Variants in RAB27B observed in about 807,000 individuals in gnomAD.
The protein encoded by RAB27B is RAB27B, member RAS oncogene family.
RAB27B carries 15 observed loss-of-function variants against 24.6 expected under a neutral mutation model. The ratio of observed to expected loss-of-function variants is 0.61; its 90% confidence interval spans 0.41 to 0.94. RAB27B has a LOEUF of 0.94. Among genes scored for constraint, RAB27B ranks in the 40% least tolerant of loss-of-function variants. RAB27B has a pLI of 0.00. For synonymous variants in RAB27B, 105 were observed against 92.5 expected (o/e 1.14, Z -0.78); for missense variants, 261 against 266.8 (o/e 0.98, Z 0.15).
At chr18:54,887,842 T>C (rs1319085642) in intron 4 of RAB27B, among the ~76,000 whole-genome samples, 153 bp from the exon 5 acceptor site, 3 of 152,136 alleles carry the variant, frequency 2.0e-5, no homozygotes, top group South Asian at 2.1e-4. Context: ...GATAAGCACA[T>C]TGTGACTGGG....
At chr18:54,851,754 A>G (rs1911598573) in intron 1 of RAB27B, among the ~76,000 whole-genome samples, 1 of 152,066 alleles carries the variant, frequency 6.6e-6, no homozygotes. Context: ...CACACTCCAA[A>G]CCAATTTCAT....
chr18:54,733,142 C>A (rs1328783792), intron 2 of RAB27B, among the ~76,000 whole-genome samples: 1 of 152,060 alleles, frequency 6.6e-6, no homozygotes, highest in African/African-American at 2.4e-5. Context: ...AACTCCTGGG[C>A]TCAAGCAATC....
rs563643611 is a variant in RAB27B at position 54,889,504 on chromosome 18, C to T, written c.*91C>T. ...CACACAATTGTTGTTGAGTAAACCA[C>T]GCACAATGGCATGTCTTTCTTTTTC... On this transcript the variant is annotated 3_prime_UTR_variant, in exon 6 of 6. Coordinates refer to ENST00000262094, the MANE Select transcript of RAB27B (RefSeq NM_004163.4). The T allele has an allele frequency of 3.4e-5, 38 of 1,123,804 alleles. No homozygotes were observed. The highest frequency in any genetic ancestry group is 4.3e-5 in the Non-Finnish European group (35 of 810,102). The allele number at this position is 1,123,804 out of a possible 1,614,324, so 69.6% of individuals were successfully genotyped here. A position where few individuals can be genotyped will look rare whatever the true frequency, so the allele number is the denominator to read the frequency against.
intron 2 of RAB27B, among the ~76,000 whole-genome samples, chr18:54,721,026 TG>T (rs1231511349): frequency 6.6e-6 from 1 of 152,146 alleles, no homozygotes; most frequent in African/African-American, 2.4e-5. Flanking sequence ...GCACAAATTA[TG>T]TATTTTGTTG....
chr18:54,767,021 T>C (rs1229146244), intron 2 of RAB27B, among the ~76,000 whole-genome samples: 1 of 152,078 alleles, frequency 6.6e-6, no homozygotes, highest in Admixed American at 6.6e-5. Flanking sequence ...TTGAGGACCA[T>C]CCAATTCACT....
intron 1 of RAB27B, among the ~76,000 whole-genome samples, chr18:54,865,550 A>G (rs943815782): frequency 6.6e-6 from 1 of 152,160 alleles, no homozygotes; most frequent in African/African-American, 2.4e-5. Flanking sequence ...TAAGCTGTAA[A>G]TTGGACAAGG....
chr18:54,753,419 C>T (rs574641617), intron 2 of RAB27B, among the ~76,000 whole-genome samples: 22 of 152,264 alleles, frequency 1.4e-4, no homozygotes, highest in Admixed American at 1.3e-3. Context: ...TCTAATTCCT[C>T]TACTTTCTAT....
chr18:54,771,481 A>G (rs896580098), intron 2 of RAB27B, among the ~76,000 whole-genome samples: 3 of 152,140 alleles, frequency 2.0e-5, no homozygotes, highest in African/African-American at 7.2e-5. Context: ...CACTGGACAC[A>G]TTCATTTTGA....
intron 4 of RAB27B, among the ~76,000 whole-genome samples, chr18:54,885,313 T>G (rs1913088243): frequency 6.6e-6 from 1 of 152,182 alleles, no homozygotes; most frequent in Non-Finnish European, 1.5e-5. Context: ...CTAGATCATG[T>G]TATTTTCCTG....
At chr18:54,842,325 G>A (rs1248801962) in intron 1 of RAB27B, among the ~76,000 whole-genome samples, 3 of 150,928 alleles carry the variant, frequency 2.0e-5, no homozygotes, top group South Asian at 2.1e-4. Context: ...GAATTTATGG[G>A]TTTTTCTTAC....
intron 2 of RAB27B, among the ~76,000 whole-genome samples, chr18:54,783,842 C>A (rs73960634): frequency 6.6e-6 from 1 of 152,182 alleles, no homozygotes; most frequent in African/African-American, 2.4e-5. Context: ...AGTTTACAGT[C>A]ACTCCTCAAG....
At chr18:54,811,682 G>A (rs115996415) in intron 2 of RAB27B, among the ~76,000 whole-genome samples, 3,942 of 152,268 alleles carry the variant, frequency 0.026, 168 homozygotes, top group African/African-American at 0.089. Flanking sequence ...ATCGATTTAC[G>A]TTGCCAGGGT....
At chr18:54,873,407 G>A (rs1023907603) in intron 1 of RAB27B, among the ~76,000 whole-genome samples, 6 of 152,140 alleles carry the variant, frequency 3.9e-5, no homozygotes, top group African/African-American at 1.4e-4. Context: ...CTGAAACACT[G>A]CAGTCTTCTG....
At chr18:54,771,322 A>G (rs1268156655) in intron 2 of RAB27B, among the ~76,000 whole-genome samples, 3 of 152,194 alleles carry the variant, frequency 2.0e-5, no homozygotes, top group African/African-American at 7.2e-5. Flanking sequence ...TGAGTTTGTA[A>G]CAGAACTTGT....
At chr18:54,780,830 A>C (rs1347790391) in intron 2 of RAB27B, among the ~76,000 whole-genome samples, 1 of 152,170 alleles carries the variant, frequency 6.6e-6, no homozygotes, top group Non-Finnish European at 1.5e-5. Context: ...TCTGCTGAAC[A>C]CTGAGGTTTG....
chr18:54,803,909 A>G (rs1158598180), intron 2 of RAB27B, among the ~76,000 whole-genome samples: 1 of 152,124 alleles, frequency 6.6e-6, no homozygotes, highest in African/African-American at 2.4e-5. Flanking sequence ...AATGATTAGG[A>G]AAGTTTGGAG....
chr18:54,894,238 G>A lies in RAB27B; in HGVS notation c.*4825G>A, dbSNP rs1361134394. The stretch of plus-strand genomic sequence containing the variant: ...AAACAAAAACTTTAGTGCCAAAATA[G>A]TGGAACTATTTTGTCATCTTTTGAG... On this transcript the variant is annotated 3_prime_UTR_variant, in exon 6 of 6. Coordinates refer to ENST00000262094, the MANE Select transcript of RAB27B (RefSeq NM_004163.4). The A allele has an allele frequency of 6.6e-6, 1 of 151,864 alleles. No homozygotes were observed. 9.4% of individuals were successfully genotyped at this position (151,864 alleles called of 1,614,324 possible).
At chr18:54,782,937 A>G (rs982454596) in intron 2 of RAB27B, among the ~76,000 whole-genome samples, 6 of 152,010 alleles carry the variant, frequency 3.9e-5, no homozygotes, top group Non-Finnish European at 8.8e-5. Flanking sequence ...TTAGGATAAC[A>G]TTGACAAGAG....
At chr18:54,867,124 G>A (rs576107067) in intron 1 of RAB27B, among the ~76,000 whole-genome samples, 58 of 152,254 alleles carry the variant, frequency 3.8e-4, no homozygotes, top group Middle Eastern at 3.4e-3. Context: ...ACTTTCTTTG[G>A]TTTAAGTTTA....
Sources: gnomAD v4.1 joint callset for allele counts (sites outside exome capture counted in the v4.1 genomes callset) on GRCh38, gnomAD v4.1.1 for gene constraint, MANE v1.5 for transcripts, NCBI Gene and HGNC (gene_info 2026-07-23, HGNC 2026-07-21) for gene names.